Variants in SYNJ2 observed in about 807,000 individuals in gnomAD.
The protein encoded by SYNJ2 is synaptojanin 2, also known as polyphosphatidylinositol phosphatase SYNJ2.
Under a neutral mutation model 141.3 loss-of-function variants are expected in SYNJ2, and 116 were observed. That is an observed-to-expected ratio of 0.82 (90% CI 0.71 to 0.96). The LOEUF is 0.96. Ranked by LOEUF, SYNJ2 falls within the 40% of genes least tolerant of loss-of-function variation. The pLI, the probability that SYNJ2 is intolerant of heterozygous loss-of-function variation, is 0.00. For missense variants in SYNJ2, 1,873 were observed against 1,934.8 expected (o/e 0.97, Z 0.60); for synonymous variants, 745 against 777.7 (o/e 0.96, Z 0.70).
chr6:158,061,439 C>T (rs1044940624), intron 7 of SYNJ2, among the ~76,000 whole-genome samples: 11 of 152,240 alleles, frequency 7.2e-5, no homozygotes, highest in African/African-American at 2.7e-4. Flanking sequence ...TCCCCACCTT[C>T]ACTCTGGCTC....
At chr6:158,019,218 G>A (rs1562328277) in intron 2 of SYNJ2, among the ~76,000 whole-genome samples, 2 of 152,216 alleles carry the variant, frequency 1.3e-5, no homozygotes, top group South Asian at 2.1e-4. Flanking sequence ...CAGGGACTGG[G>A]ATTCGACGAA....
intron 23 of SYNJ2, 64 bp downstream of exon 23, chr6:158,087,053 A>G (rs764779180): frequency 1.8e-4 from 279 of 1,544,194 alleles, no homozygotes; most frequent in Non-Finnish European, 2.3e-4. Flanking sequence ...GTTCCCTGCT[A>G]CTGAAAACAC....
In SYNJ2 at chr6:158,069,329, G is replaced by A. The variant is rs543325982; in HGVS notation, c.1800-204G>A. Among the ~76,000 whole-genome samples, 11 of 152,282 alleles carry A rather than the reference G, an allele frequency of 7.2e-5. No individual in the cohort carries two copies. The South Asian group carries it at 2.3e-3, about 32-fold the overall frequency. On this transcript the variant is annotated intron_variant, in intron 13 of 26. Coordinates refer to ENST00000355585, the MANE Select transcript of SYNJ2 (RefSeq NM_003898.4). The stretch of plus-strand genomic sequence containing the variant: ...CTGGGTTGGGTTTCAGGGGTCAAGG[G>A]AGGGCTGCTGTGATGTGTGAGGCAT...
Position 158,043,235 on chromosome 6 carries a change from G to C in SYNJ2, c.712-81G>C. On this transcript the variant is annotated intron_variant, in intron 4 of 26. Transcript: ENST00000355585. This position sits in a 1 kb window ranked among gnomAD's most constrained non-coding sequence, Gnocchi z 4.0. Reference sequence around the variant, plus strand: ...CATTCTGGCTGGTGTCGGGTCACAGGTGGCCGGATCCCGTTACCCAGCCCA... The same window carrying C: ...CATTCTGGCTGGTGTCGGGTCACAGCTGGCCGGATCCCGTTACCCAGCCCA... 7.9e-7 allele frequency: 1 copy of C among 1,263,090 alleles called. No homozygotes were observed. Among genetic ancestry groups the C allele is most frequent in the South Asian group, 1.3e-5 (1 of 79,648 alleles). The allele number at this position is 1,263,090 out of a possible 1,614,324, so 78.2% of individuals were successfully genotyped here. A position where few individuals can be genotyped will look rare whatever the true frequency, so the allele number is the denominator to read the frequency against.
At chr6:158,080,992 C>T (rs1480920189) in intron 18 of SYNJ2, 117 bp from the exon 19 acceptor site, 7 of 914,840 alleles carry the variant, frequency 7.7e-6, no homozygotes, top group East Asian at 5.1e-5. Context: ...GGGACAGCAG[C>T]TGGGGACTGG....
intron 11 of SYNJ2, 56 bp downstream of exon 11, chr6:158,065,047 C>A: frequency 6.8e-7 from 1 of 1,469,118 alleles, no homozygotes; most frequent in East Asian, 2.5e-5. Flanking sequence ...CCCAGCCCCA[C>A]TTTCCCACCG....
chr6:157,985,892 C>T (rs776353311), intron 1 of SYNJ2, among the ~76,000 whole-genome samples: 1 of 152,164 alleles, frequency 6.6e-6, no homozygotes, highest in Non-Finnish European at 1.5e-5. Context: ...TTACTTTGAG[C>T]TTCTGGGGGG....
rs570076653 is a variant in SYNJ2, at chr6:158,041,955, G to A, written c.712-1361G>A. 6.9e-4 allele frequency among the ~76,000 whole-genome samples: 105 copies of A among 152,322 alleles called. 2 individuals carry two copies. The highest frequency in any genetic ancestry group is 2.4e-3 in the African/African-American group (101 of 41,574). The stretch of plus-strand genomic sequence containing the variant: ...GTCTCGAACTTTTGGGCTCAAGCCC[G>A]CCTCCCACCTTGGCCTCCCAAAGTG... On this transcript the variant is annotated intron_variant, in intron 4 of 26. Coordinates refer to ENST00000355585, the MANE Select transcript of SYNJ2 (RefSeq NM_003898.4).
At position 158,078,267 on chromosome 6, in the gene SYNJ2, A is replaced by C. The variant is rs770493097; in HGVS notation, c.2553A>C (p.Gln851His). 7.4e-6 allele frequency: 12 copies of C among 1,613,218 alleles called. No individual in the cohort carries two copies. In the Admixed American group the frequency reaches 1.2e-4, roughly 16 times the overall value. ...ALQYYGRAEL[Q>H]ASDHRPVLAI... The stretch of plus-strand genomic sequence containing the variant: ...AGTATTATGGTCGTGCGGAGCTACA[A>C]GCGTCTGATCACAGGTGAGGTCCTG... Residue 851 changes from glutamine (Q) to histidine (H), a missense_variant, in exon 18 of 27, where the codon CAA becomes CAC. Gln to His is a conservative substitution (Grantham distance 24). Transcript: ENST00000355585.
intron 20 of SYNJ2, among the ~76,000 whole-genome samples, chr6:158,082,028 C>G (rs1221051157): frequency 6.6e-6 from 1 of 152,150 alleles, no homozygotes. Flanking sequence ...TAAGGTGTCT[C>G]ATGTCCGGCT....
intron 1 of SYNJ2, 126 bp from the exon 2 acceptor site, chr6:158,017,078 C>G: frequency 7.2e-7 from 1 of 1,397,302 alleles, no homozygotes; most frequent in Non-Finnish European, 9.3e-7. Flanking sequence ...GTTTGTGGGC[C>G]GAGCTATTGT....
In SYNJ2 at chr6:158,065,015, G is replaced by A. The variant is rs374778421; in HGVS notation, c.1525+24G>A. ...GGGTAGGGCCTGCCGCAGACAGGGC[G>A]AGGCAGGGAGGTAGGGTGCTCCCCA... On this transcript the variant is annotated intron_variant, in intron 11 of 26. Coordinates refer to ENST00000355585, the MANE Select transcript of SYNJ2 (RefSeq NM_003898.4). The A allele has an allele frequency of 2.2e-4, 326 of 1,512,318 alleles. 5 individuals are homozygous for A. The Middle Eastern group carries it at 2.5e-3, about 12-fold the overall frequency. 93.7% of individuals were successfully genotyped at this position (1,512,318 alleles called of 1,614,324 possible).
chr6:158,012,704 G>A (rs2128325600), intron 1 of SYNJ2, among the ~76,000 whole-genome samples: 1 of 152,310 alleles, frequency 6.6e-6, no homozygotes, highest in South Asian at 2.1e-4. Flanking sequence ...AGACTAATAT[G>A]CTATTTTGCC....
chr6:158,089,551 G>A (rs1783294994), intron 24 of SYNJ2, among the ~76,000 whole-genome samples: 1 of 151,510 alleles, frequency 6.6e-6, no homozygotes, highest in African/African-American at 2.4e-5. Flanking sequence ...TTTGCTTTCT[G>A]GCTTTCACCT....
At chr6:158,000,397 G>T (rs1562315001) in intron 1 of SYNJ2, among the ~76,000 whole-genome samples, 1 of 152,132 alleles carries the variant, frequency 6.6e-6, no homozygotes, top group African/African-American at 2.4e-5. Context: ...TTGGCTGTTT[G>T]TTCCTTCATC....
chr6:158,035,611 G>T (rs1226186443), intron 4 of SYNJ2, among the ~76,000 whole-genome samples: 1 of 152,158 alleles, frequency 6.6e-6, no homozygotes, highest in African/African-American at 2.4e-5. Context: ...GGGATAGTTT[G>T]ATTCCTCTCT....
At position 158,058,416 on chromosome 6, in the gene SYNJ2, A is replaced by C. The variant is rs146973758; in HGVS notation, c.858-841A>C. On this transcript the variant is annotated intron_variant, in intron 6 of 26. Coordinates refer to ENST00000355585, the MANE Select transcript of SYNJ2 (RefSeq NM_003898.4). ...TGGAATCTCTCCCTAATATTTCAAC[A>C]TACATATTTAGAAAGTAGCTTCCAA... Among the ~76,000 whole-genome samples the C allele has an allele frequency of 7.9e-5, 12 of 152,362 alleles. No homozygotes were observed. In the East Asian group the frequency reaches 2.3e-3, roughly 29 times the overall value.
intron 15 of SYNJ2, among the ~76,000 whole-genome samples, chr6:158,073,988 A>G (rs1252864444): frequency 4.0e-5 from 6 of 151,490 alleles, no homozygotes; most frequent in Admixed American, 4.0e-4. Flanking sequence ...CAGTTGATCC[A>G]CAGCAGCTGC....
rs757135691 is a variant in SYNJ2 at position 158,071,640 on chromosome 6, G to A, written c.1979G>A (p.Gly660Asp). The stretch of plus-strand genomic sequence containing the variant: ...GACACAGTGAAGACGGGCATGGGGG[G>A]CAAGGCGGGGAACAAGGGCGCCGTC... Reference protein sequence around the residue: ...AIDTVKTGMGGKAGNKGAVGI... With the variant: ...AIDTVKTGMGDKAGNKGAVGI... The change falls in exon 15 of 27, where the codon GGC becomes GAC. Residue 660 changes from glycine to aspartate, a missense_variant. By Grantham distance (94) the Gly-to-Asp change is moderately conservative. Coordinates refer to ENST00000355585, the MANE Select transcript of SYNJ2 (RefSeq NM_003898.4). This position sits in a 1 kb window ranked among gnomAD's most constrained non-coding sequence, Gnocchi z 4.3. The A allele has an allele frequency of 4.3e-6, 7 of 1,614,068 alleles. No individual in the cohort carries two copies. The highest frequency in any genetic ancestry group is 5.9e-6 in the Non-Finnish European group (7 of 1,180,034).
Sources: gnomAD v4.1 joint callset for allele counts (sites outside exome capture counted in the v4.1 genomes callset) on GRCh38, gnomAD v4.1.1 for gene constraint, Gnocchi (gnomAD v3.1) non-coding constraint, MANE v1.5 for transcripts, NCBI Gene and HGNC (gene_info 2026-07-23, HGNC 2026-07-21) for gene names.